Variants in YWHAB observed in about 807,000 individuals in gnomAD.
YWHAB encodes tyrosine 3-monooxygenase/tryptophan 5-monooxygenase activation protein beta, also known as 14-3-3 protein beta/alpha.
Under a neutral mutation model 28.5 loss-of-function variants are expected in YWHAB, and 2 were observed. The observed-to-expected ratio is 0.07, with a 90% CI of 0.03 to 0.22. The LOEUF (loss-of-function observed/expected upper bound fraction) is 0.22, where lower values mean the gene tolerates loss of function less well. Ranked by LOEUF, YWHAB falls within the 10% of genes least tolerant of loss-of-function variation. The pLI is 1.00. For synonymous variants in YWHAB, 103 were observed against 104.7 expected, an observed-to-expected ratio of 0.98 and a Z score of 0.10; for missense variants, 148 against 297.1, an observed-to-expected ratio of 0.50 and a Z score of 3.69.
intron 1 of YWHAB, among the ~76,000 whole-genome samples, chr20:44,894,861 T>C (rs1275466180): frequency 6.6e-6 from 1 of 152,274 alleles, no homozygotes; most frequent in African/African-American, 2.4e-5. Flanking sequence ...CCTGCTGCCT[T>C]CCGACTATAC....
chr20:44,885,802 C>T lies in YWHAB; in HGVS notation c.-88C>T. ...GCCACTGCAGGCACCGCTGCCGCCG[C>T]CTGAGTAGTGGGCTTAGGAAGGAAG... On this transcript the variant is annotated 5_prime_UTR_variant, in exon 1 of 6. Coordinates refer to ENST00000353703, the MANE Select transcript of YWHAB (RefSeq NM_139323.4). The T allele has an allele frequency of 1.2e-5, 2 of 170,952 alleles. No homozygotes were observed. The highest frequency in any genetic ancestry group is 1.1e-4 in the South Asian group (1 of 8,778). 10.6% of individuals were successfully genotyped at this position (170,952 alleles called of 1,614,324 possible).
rs2066521258 is a variant in YWHAB, at chr20:44,885,741, G to A, written c.-149G>A. 3.5e-5 allele frequency: 6 copies of A among 173,818 alleles called. No homozygotes were observed. The South Asian group carries it at 4.0e-4, about 12-fold the overall frequency. 10.8% of individuals were successfully genotyped at this position (173,818 alleles called of 1,614,324 possible). A position where few individuals can be genotyped will look rare whatever the true frequency, so the allele number is the denominator to read the frequency against. ...TACCGCCACCGCCGCCGCCGATTCCGGAGCCGGGGTAGTCGCCGCCGCCGC... is the reference window on the plus strand; with the variant it reads ...TACCGCCACCGCCGCCGCCGATTCCAGAGCCGGGGTAGTCGCCGCCGCCGC... On this transcript the variant is annotated 5_prime_UTR_variant, in exon 1 of 6. Coordinates refer to ENST00000353703, the MANE Select transcript of YWHAB (RefSeq NM_139323.4).
chr20:44,907,266 C>T lies in YWHAB; in HGVS notation c.*828C>T, dbSNP rs575753172. 3 of 152,346 alleles carry T rather than the reference C, an allele frequency of 2.0e-5. No individual in the cohort carries two copies. The highest frequency in any genetic ancestry group is 2.0e-4 in the Admixed American group (3 of 15,276). The allele number at this position is 152,346 out of a possible 1,614,324, so 9.4% of individuals were successfully genotyped here. ...TTTTATGAATGACCTTATCTGTTTC[C>T]TGGATAATACCTTTAAGAATAATGT... On this transcript the variant is annotated 3_prime_UTR_variant, in exon 6 of 6. Coordinates refer to ENST00000353703, the MANE Select transcript of YWHAB (RefSeq NM_139323.4).
chr20:44,894,319 C>T (rs2066582503), intron 1 of YWHAB, among the ~76,000 whole-genome samples: 1 of 152,086 alleles, frequency 6.6e-6, no homozygotes, highest in Non-Finnish European at 1.5e-5. Context: ...CCAGGCCTGA[C>T]GATGAGACTA....
chr20:44,888,400 C>T (rs2284265), intron 1 of YWHAB, among the ~76,000 whole-genome samples: 43,264 of 151,958 alleles, frequency 0.28, 6,485 homozygotes, highest in Middle Eastern at 0.38. Context: ...GACTGTTAGC[C>T]CCATTTTACA....
intron 2 of YWHAB, chr20:44,903,769 T>G: frequency 2.3e-6 from 1 of 433,616 alleles, no homozygotes; most frequent in Non-Finnish European, 4.1e-6. Context: ...ATGGCTATAC[T>G]TTAATTATCC....
chr20:44,898,721 T>C (rs894558143), intron 1 of YWHAB, among the ~76,000 whole-genome samples: 23 of 152,100 alleles, frequency 1.5e-4, no homozygotes, highest in African/African-American at 5.3e-4. Context: ...TTAGCCAGGA[T>C]GGTCTCGATC....
chr20:44,903,185 A>G, intron 2 of YWHAB: 1 of 762,026 alleles, frequency 1.3e-6, no homozygotes, highest in Non-Finnish European at 1.6e-6. Flanking sequence ...AGTGCTTACT[A>G]CGTGCCAGGC....
At chr20:44,893,140 G>A (rs1335469776) in intron 1 of YWHAB, among the ~76,000 whole-genome samples, 1 of 151,810 alleles carries the variant, frequency 6.6e-6, no homozygotes, top group Admixed American at 6.6e-5. Flanking sequence ...CTTCTCCTAG[G>A]ATATCTGCTC....
intron 1 of YWHAB, among the ~76,000 whole-genome samples, chr20:44,891,970 C>T (rs1226914702): frequency 6.6e-6 from 1 of 152,178 alleles, no homozygotes; most frequent in Non-Finnish European, 1.5e-5. Flanking sequence ...GAGTAGTTTT[C>T]TCTGAGAGCC....
intron 1 of YWHAB, among the ~76,000 whole-genome samples, chr20:44,889,964 C>T (rs1037521563): frequency 6.6e-6 from 1 of 152,106 alleles, no homozygotes; most frequent in Non-Finnish European, 1.5e-5. Context: ...AGCTGTGTGA[C>T]CCTGAATGAG....
At chr20:44,904,232 A>G in intron 3 of YWHAB, 116 bp downstream of exon 3, 1 of 1,318,620 alleles carries the variant, frequency 7.6e-7, no homozygotes, top group Non-Finnish European at 1.0e-6. Context: ...CAGTACTAAG[A>G]ATTTAAAAGA....
Position 44,905,093 on chromosome 20 carries a change from C to T in YWHAB, c.550C>T (p.Leu184=), listed in dbSNP as rs1478041181. 1.9e-6 allele frequency: 3 copies of T among 1,612,788 alleles called. No homozygotes were observed. The highest frequency in any genetic ancestry group is 1.3e-5 in the African/African-American group (1 of 74,868). The change falls in exon 4 of 6, where the codon CTA becomes TTA. Residue 184 remains leucine, a synonymous_variant. Transcript: ENST00000353703. The part of the protein sequence containing the change: ...LNFSVFYYEI[L]NSPEKACSLA... ...TTTCTCAGTCTTTTACTATGAGATT[C>T]TAAACTCTCCTGAAAAGGCCTGTAG...
intron 1 of YWHAB, 174 bp downstream of exon 1, chr20:44,886,060 C>T (rs1210984838): frequency 1.3e-5 from 2 of 152,316 alleles, no homozygotes; most frequent in African/African-American, 2.4e-5. Flanking sequence ...CGGCCCCTCC[C>T]TGTTTCCGGG....
chr20:44,899,979 T>C (rs1277686491), intron 1 of YWHAB, among the ~76,000 whole-genome samples: 1 of 152,228 alleles, frequency 6.6e-6, no homozygotes, highest in Non-Finnish European at 1.5e-5. Flanking sequence ...TTTATACTTT[T>C]TAAGGTGCCT....
chr20:44,897,111 T>A (rs1259710673), intron 1 of YWHAB, among the ~76,000 whole-genome samples: 3 of 152,190 alleles, frequency 2.0e-5, no homozygotes, highest in Non-Finnish European at 2.9e-5. Flanking sequence ...GAAGGCATAT[T>A]TGGGAGGTCC....
intron 1 of YWHAB, among the ~76,000 whole-genome samples, chr20:44,900,202 C>T (rs989831732): frequency 6.6e-6 from 1 of 152,142 alleles, no homozygotes; most frequent in African/African-American, 2.4e-5. Flanking sequence ...TGCACACCAC[C>T]ACACCCAGCC....
intron 1 of YWHAB, 118 bp from the exon 2 acceptor site, chr20:44,901,413 T>G: frequency 1.7e-5 from 17 of 1,027,358 alleles, no homozygotes; most frequent in Non-Finnish European, 2.1e-5. Context: ...GCATTTGGAA[T>G]GAGATGTTTC....
intron 1 of YWHAB, chr20:44,886,700 G>A (rs571677369): frequency 5.9e-5 from 9 of 152,254 alleles, no homozygotes; most frequent in Non-Finnish European, 8.8e-5. Context: ...TCCTGGTCGG[G>A]GGGTGGGGAG....
Sources: allele counts gnomAD v4.1 joint callset (sites outside exome capture counted in the v4.1 genomes callset), GRCh38; gene constraint gnomAD v4.1.1; transcripts MANE v1.5; gene names NCBI Gene and HGNC (gene_info 2026-07-23, HGNC 2026-07-21).